NCMAP: variants seen among roughly 807,000 people sequenced by gnomAD.
NCMAP encodes the protein noncompact myelin-associated protein.
A neutral mutation model predicts 7.8 loss-of-function variants in NCMAP; 8 were observed. That is an observed-to-expected ratio of 1.02 (90% confidence interval 0.60 to 1.84). The LOEUF is 1.84. NCMAP is among the 40% of genes most tolerant of loss of function. The probability of loss-of-function intolerance (pLI) is 0.00; values close to 1 mark genes in which losing one functional copy is unlikely to be tolerated. For missense variants in NCMAP, 112 were observed against 131.4 expected (o/e 0.85, Z 0.72); for synonymous variants, 41 against 52.9 (o/e 0.78, Z 0.98).
rs72886151 is a variant in NCMAP at position 24,605,503 on chromosome 1, A to G, written c.168-103A>G. On this transcript the variant is annotated intron_variant, in intron 3 of 3. Coordinates refer to ENST00000374392, the MANE Select transcript of NCMAP (RefSeq NM_001010980.5). ...GTAAGCAATGTGATTTAATGTCTAC[A>G]TTAATCTACATTAATCTGTTGGCCA... 0.011 allele frequency: 14,664 copies of G among 1,343,280 alleles called. 1,294 individuals are homozygous for G. In the African/African-American group the frequency reaches 0.19, roughly 17 times the overall value. The allele number at this position is 1,343,280 out of a possible 1,614,324, so 83.2% of individuals were successfully genotyped here. A position where few individuals can be genotyped will look rare whatever the true frequency, so the allele number is the denominator to read the frequency against.
chr1:24,594,093 T>C (rs567688674), intron 1 of NCMAP, among the ~76,000 whole-genome samples: 39 of 152,122 alleles, frequency 2.6e-4, no homozygotes, highest in African/African-American at 8.7e-4. Context: ...GGTTTCACCA[T>C]GTTGACCAGG....
rs144133802 is a variant in NCMAP, at chr1:24,584,196, G to A, written c.-7-11228G>A. Among the ~76,000 whole-genome samples, 33 of 152,258 alleles carry A rather than the reference G, an allele frequency of 2.2e-4. 1 individual carries two copies. In the East Asian group the frequency reaches 5.6e-3, roughly 26 times the overall value. On this transcript the variant is annotated intron_variant, in intron 1 of 3. Transcript: ENST00000374392. ...TTACATGGGAGCTCCTATGGAGGTCGAGGACTCTCAAGAGTTGGGTCCTTG... is the reference window on the plus strand; with the variant it reads ...TTACATGGGAGCTCCTATGGAGGTCAAGGACTCTCAAGAGTTGGGTCCTTG...
Position 24,567,105 on chromosome 1 carries a change from C to T in NCMAP, c.-8+10936C>T, listed in dbSNP as rs112998607. ...GACCCCAGAGAGTTAAGCGTATATT[C>T]GGAGCCAACCCATCCTCAGGCACCT... On this transcript the variant is annotated intron_variant, in intron 1 of 3. Coordinates refer to ENST00000374392, the MANE Select transcript of NCMAP (RefSeq NM_001010980.5). Among the ~76,000 whole-genome samples the T allele has an allele frequency of 8.4e-3, 1,278 of 152,254 alleles. 18 individuals are homozygous for T. The highest frequency in any genetic ancestry group is 0.027 in the African/African-American group (1,121 of 41,540).
intron 1 of NCMAP, among the ~76,000 whole-genome samples, chr1:24,565,572 T>TTGTGTGTGTG (rs58714256): frequency 3.7e-3 from 539 of 143,756 alleles, no homozygotes; most frequent in African/African-American, 8.4e-3. Flanking sequence ...TGATAGAAGA[T>TTGTGTGTGTG]TGTGTGTGTG....
intron 1 of NCMAP, among the ~76,000 whole-genome samples, chr1:24,559,536 A>G (rs890286199): frequency 8.5e-5 from 13 of 152,114 alleles, no homozygotes; most frequent in African/African-American, 3.1e-4. Context: ...TGTGGTTTGA[A>G]ATTCCCCGAG....
chr1:24,577,420 T>G (rs1304768337), intron 1 of NCMAP, among the ~76,000 whole-genome samples: 51 of 143,836 alleles, frequency 3.5e-4, no homozygotes, highest in Non-Finnish European at 7.0e-4. Context: ...TTTTTTTTTT[T>G]TTTTTTTTTT....
At chr1:24,561,424 A>G (rs1272742928) in intron 1 of NCMAP, among the ~76,000 whole-genome samples, 1 of 152,224 alleles carries the variant, frequency 6.6e-6, no homozygotes, top group African/African-American at 2.4e-5. Flanking sequence ...TTCAACCTGA[A>G]AGTCGCTTTT....
At chr1:24,602,209 T>C (rs568677124) in intron 3 of NCMAP, among the ~76,000 whole-genome samples, 17 of 152,264 alleles carry the variant, frequency 1.1e-4, no homozygotes, top group African/African-American at 4.1e-4. Context: ...AGCAAGGTCT[T>C]AACAACTGGT....
At chr1:24,560,160 CAAAAAA>C (rs67052970) in intron 1 of NCMAP, among the ~76,000 whole-genome samples, 45 of 89,550 alleles carry the variant, frequency 5.0e-4, no homozygotes, top group African/African-American at 4.2e-4. Context: ...GACTCCATCT[CAAAAAA>C]AAAAAAAAAA....
At chr1:24,560,253 G>T (rs1230544984) in intron 1 of NCMAP, among the ~76,000 whole-genome samples, 2 of 151,928 alleles carry the variant, frequency 1.3e-5, no homozygotes, top group Non-Finnish European at 2.9e-5. Flanking sequence ...ACAACCTCAG[G>T]ATTTAAAAAT....
In NCMAP at chr1:24,576,062, C is replaced by G. The variant is rs950778200; in HGVS notation, c.-7-19362C>G. On this transcript the variant is annotated intron_variant, in intron 1 of 3. Transcript: ENST00000374392. The surrounding 1 kb of genome is among the most constrained non-coding windows in gnomAD (Gnocchi z 4.0). ...TCCTCTCTGCACAGCCGCATTGCCC[C>G]GTCCAGAGCTTCTCCTGCCCTCCCT... is the stretch of plus-strand genomic sequence containing the variant. Among the ~76,000 whole-genome samples the G allele has an allele frequency of 3.3e-5, 5 of 152,102 alleles. No individual in the cohort carries two copies. The South Asian group carries it at 1.0e-3, about 32-fold the overall frequency.
chr1:24,597,328 C>T (rs1652263303), intron 2 of NCMAP, among the ~76,000 whole-genome samples: 1 of 151,422 alleles, frequency 6.6e-6, no homozygotes, highest in African/African-American at 2.4e-5. Context: ...TGGTAAAATC[C>T]CATCTCTACT....
chr1:24,582,873 G>A (rs1651782865), intron 1 of NCMAP, among the ~76,000 whole-genome samples: 1 of 152,202 alleles, frequency 6.6e-6, no homozygotes, highest in Non-Finnish European at 1.5e-5. Flanking sequence ...TAACTTCTCT[G>A]AGCCTCAGCT....
At chr1:24,596,672 C>T (rs1033340812) in intron 2 of NCMAP, among the ~76,000 whole-genome samples, 5 of 152,044 alleles carry the variant, frequency 3.3e-5, no homozygotes, top group Non-Finnish European at 7.4e-5. Flanking sequence ...GGTGACAGAG[C>T]GAGAACTTGT....
At position 24,605,666 on chromosome 1, in the gene NCMAP, C is replaced by A. The variant is rs369104585; in HGVS notation, c.228C>A (p.Ala76=). 10 of 1,614,154 alleles carry A rather than the reference C, an allele frequency of 6.2e-6. No individual in the cohort carries two copies. The highest frequency in any genetic ancestry group is 1.6e-4 in the Middle Eastern group (1 of 6,062). ...PKGPKPTAPS[A]VGPNSNGSQH... ...GCCCCAAGCCAACCGCCCCTTCTGC[C>A]GTGGGCCCAAACAGCAACGGCAGCC... The change falls in exon 4 of 4, where the codon GCC becomes GCA. Residue 76 remains alanine, a synonymous_variant. Transcript: ENST00000374392.
chr1:24,602,569 C>CAAAAAAAAAA (rs10630961), intron 3 of NCMAP, among the ~76,000 whole-genome samples: 2 of 40,066 alleles, frequency 5.0e-5, no homozygotes, highest in Non-Finnish European at 7.9e-5. Context: ...GACTCCATCT[C>CAAAAAAAAAA]AAAAAAAAAA....
chr1:24,569,509 A>AT (rs1651327601), intron 1 of NCMAP, among the ~76,000 whole-genome samples: 2 of 150,582 alleles, frequency 1.3e-5, no homozygotes, highest in Admixed American at 1.3e-4. Flanking sequence ...TCCCAGTCAA[A>AT]TGATAATAGT....
At chr1:24,594,127 G>A (rs992904867) in intron 1 of NCMAP, among the ~76,000 whole-genome samples, 7 of 151,876 alleles carry the variant, frequency 4.6e-5, no homozygotes, top group Non-Finnish European at 1.0e-4. Context: ...CCTGACCTCA[G>A]GTGATCTGCC....
At position 24,584,997 on chromosome 1, in the gene NCMAP, G is replaced by A. The variant is rs538668695; in HGVS notation, c.-7-10427G>A. The stretch of plus-strand genomic sequence containing the variant: ...GGCGGGTGGGTGGGTGGGGGCATGA[G>A]TGGATAGCAGGATGAAAGAATAGAT... On this transcript the variant is annotated intron_variant, in intron 1 of 3. Transcript: ENST00000374392. 3.8e-4 allele frequency among the ~76,000 whole-genome samples: 58 copies of A among 151,622 alleles called. No homozygotes were observed. In the East Asian group the frequency reaches 0.011, roughly 28 times the overall value.
Sources: gnomAD v4.1 joint callset for allele counts (sites outside exome capture counted in the v4.1 genomes callset) on GRCh38, gnomAD v4.1.1 for gene constraint, Gnocchi (gnomAD v3.1) non-coding constraint, MANE v1.5 for transcripts, NCBI Gene and HGNC (gene_info 2026-07-23, HGNC 2026-07-21) for gene names.